CNTN5: variants seen among roughly 807,000 people sequenced by gnomAD.
The protein encoded by CNTN5 is contactin-5.
Under a neutral mutation model 129.1 loss-of-function variants are expected in CNTN5, and 77 were observed. The ratio of observed to expected loss-of-function variants is 0.60; its 90% CI spans 0.50 to 0.72. CNTN5 has a LOEUF of 0.72. CNTN5 is among the 30% of genes least tolerant of loss of function. CNTN5 has a pLI of 0.00. For synonymous variants in CNTN5, 509 were observed against 465.6 expected, an observed-to-expected ratio of 1.09 and a Z score of -1.20; for missense variants, 1,478 against 1,328.8, an observed-to-expected ratio of 1.11 and a Z score of -1.75.
intron 6 of CNTN5, among the ~76,000 whole-genome samples, chr11:99,908,735 C>A (rs1949576742): frequency 6.6e-6 from 1 of 151,942 alleles, no homozygotes; most frequent in Admixed American, 6.6e-5. Flanking sequence ...GGAGAAAAGA[C>A]CTAAGATCAA....
At chr11:100,146,588 T>A (rs1946858222) in intron 13 of CNTN5, among the ~76,000 whole-genome samples, 1 of 152,162 alleles carries the variant, frequency 6.6e-6, no homozygotes, top group Non-Finnish European at 1.5e-5. Context: ...AAGTATTATG[T>A]CAGTTTGTAA....
intron 1 of CNTN5, among the ~76,000 whole-genome samples, chr11:99,146,536 ATATTT>A (rs1303116188): frequency 1.2e-4 from 18 of 152,162 alleles, no homozygotes; most frequent in African/African-American, 3.9e-4. Flanking sequence ...AATCACAATA[ATATTT>A]TATAGCAATT....
At chr11:99,146,592 ACC>A (rs1859795942) in intron 1 of CNTN5, among the ~76,000 whole-genome samples, 2 of 152,166 alleles carry the variant, frequency 1.3e-5, no homozygotes, top group African/African-American at 2.4e-5. Flanking sequence ...TTAAATCAAC[ACC>A]CAATCCTTGT....
chr11:99,764,372 A>AT (rs1944683713), intron 3 of CNTN5, among the ~76,000 whole-genome samples: 1 of 151,744 alleles, frequency 6.6e-6, no homozygotes, highest in Non-Finnish European at 1.5e-5. Context: ...ACATTAAAAA[A>AT]AAATAAAGAA....
chr11:99,775,631 G>A (rs980894163), intron 3 of CNTN5, among the ~76,000 whole-genome samples: 2 of 151,594 alleles, frequency 1.3e-5, no homozygotes, highest in Non-Finnish European at 2.9e-5. Flanking sequence ...AGTTTTCTTC[G>A]GGCATATGCA....
chr11:99,867,117 T>C (rs2135793658), intron 6 of CNTN5, among the ~76,000 whole-genome samples: 1 of 152,330 alleles, frequency 6.6e-6, no homozygotes, highest in Admixed American at 6.5e-5. Context: ...TCAAAGCTTG[T>C]GTCCTTTCAA....
intron 3 of CNTN5, among the ~76,000 whole-genome samples, chr11:99,737,169 GCA>G (rs890225493): frequency 1.1e-4 from 17 of 150,606 alleles, no homozygotes; most frequent in African/African-American, 2.9e-4. Flanking sequence ...ACACGCACAC[GCA>G]CACACAGTCT....
At chr11:99,504,937 TA>T (rs1184033617) in intron 2 of CNTN5, among the ~76,000 whole-genome samples, 1 of 152,162 alleles carries the variant, frequency 6.6e-6, no homozygotes, top group Non-Finnish European at 1.5e-5. Context: ...GAAGAGAATG[TA>T]AAAAGCAGGG....
At chr11:99,076,712 A>G (rs985212079) in intron 1 of CNTN5, among the ~76,000 whole-genome samples, 13 of 152,282 alleles carry the variant, frequency 8.5e-5, no homozygotes, top group African/African-American at 2.9e-4. Flanking sequence ...TTAAAAAAAA[A>G]GTTTCTGATA....
intron 2 of CNTN5, among the ~76,000 whole-genome samples, chr11:99,404,048 C>T (rs567690287): frequency 6.6e-6 from 1 of 152,092 alleles, no homozygotes. Context: ...GTATCGGGTG[C>T]ATATATATTT....
At chr11:99,118,350 C>G (rs1858138526) in intron 1 of CNTN5, among the ~76,000 whole-genome samples, 1 of 151,954 alleles carries the variant, frequency 6.6e-6, no homozygotes, top group African/African-American at 2.4e-5. Flanking sequence ...TATCTTTTAT[C>G]TACTTAGTAT....
intron 13 of CNTN5, among the ~76,000 whole-genome samples, chr11:100,075,999 G>A (rs1944111710): frequency 6.6e-6 from 1 of 152,096 alleles, no homozygotes. Context: ...TCATTCTTAG[G>A]TTGGGGGGCG....
Position 100,299,423 on chromosome 11 carries a change from T to A in CNTN5, c.2620+27T>A, listed in dbSNP as rs557270154. 2.2e-6 allele frequency: 3 copies of A among 1,385,892 alleles called. No homozygotes were observed. In the Admixed American group the frequency reaches 6.1e-5, roughly 28 times the overall value. 85.8% of individuals were successfully genotyped at this position (1,385,892 alleles called of 1,614,324 possible). ...TCAGTTTTTTTATTCCTATTATTTT[T>A]ATTTAACATTTTACTTTGTTATACA... On this transcript the variant is annotated intron_variant, in intron 20 of 24. Transcript: ENST00000524871.
intron 4 of CNTN5, among the ~76,000 whole-genome samples, chr11:99,841,040 C>T (rs1947472666): frequency 1.3e-5 from 2 of 152,006 alleles, no homozygotes; most frequent in East Asian, 1.9e-4. Context: ...ATGAATTTTA[C>T]TTCTAAGATG....
At chr11:99,421,615 A>T (rs12292782) in intron 2 of CNTN5, among the ~76,000 whole-genome samples, 9,880 of 152,102 alleles carry the variant, frequency 0.065, 1,044 homozygotes, top group African/African-American at 0.22. Flanking sequence ...ACAATTTGCC[A>T]TTTTATGACT....
At chr11:100,229,286 T>C (rs1949444098) in intron 16 of CNTN5, among the ~76,000 whole-genome samples, 1 of 152,236 alleles carries the variant, frequency 6.6e-6, no homozygotes, top group Non-Finnish European at 1.5e-5. Flanking sequence ...AATTTATGTT[T>C]CTATTTGAAT....
chr11:99,853,222 T>C (rs112472017), intron 6 of CNTN5, among the ~76,000 whole-genome samples: 59 of 152,272 alleles, frequency 3.9e-4, no homozygotes, highest in African/African-American at 1.4e-3. Context: ...ACAATTATTA[T>C]GCATTGACTT....
chr11:99,504,952 A>C (rs1427764093), intron 2 of CNTN5, among the ~76,000 whole-genome samples: 1 of 152,204 alleles, frequency 6.6e-6, no homozygotes, highest in Non-Finnish European at 1.5e-5. Flanking sequence ...AGCAGGGGAA[A>C]GAGGCAAGCA....
intron 1 of CNTN5, among the ~76,000 whole-genome samples, chr11:99,290,385 A>C (rs1487463639): frequency 1.3e-5 from 2 of 151,792 alleles, no homozygotes; most frequent in Non-Finnish European, 3.0e-5. Flanking sequence ...AAAGCCACAC[A>C]CCTCCAGGAA....
Sources: gnomAD v4.1 joint callset for allele counts (sites outside exome capture counted in the v4.1 genomes callset) on GRCh38, gnomAD v4.1.1 for gene constraint, MANE v1.5 for transcripts, NCBI Gene and HGNC (gene_info 2026-07-23, HGNC 2026-07-21) for gene names.